The following PTBP2 variants were observed in gnomAD, a reference collection of about 807,000 sequenced individuals.
PTBP2 encodes polypyrimidine tract-binding protein 2.
Under a neutral mutation model 61.4 loss-of-function variants are expected in PTBP2, and 13 were observed. The ratio of observed to expected loss-of-function variants is 0.21; its 90% CI spans 0.14 to 0.34. The LOEUF (loss-of-function observed/expected upper bound fraction) is 0.34, where lower values mean the gene tolerates loss of function less well. Among genes scored for constraint, PTBP2 ranks in the 10% least tolerant of loss-of-function variants. The pLI is 1.00. For missense variants in PTBP2, 405 were observed against 642.6 expected (o/e 0.63, Z 4.00); for synonymous variants, 215 against 218.5 (o/e 0.98, Z 0.14).
intron 3 of PTBP2, 90 bp downstream of exon 3, chr1:96,751,590 C>T (rs1378231166): frequency 1.3e-5 from 12 of 956,714 alleles, no homozygotes; most frequent in Non-Finnish European, 1.9e-5. Flanking sequence ...ACCAGGAAAG[C>T]CTTTCTTTTT....
intron 7 of PTBP2, among the ~76,000 whole-genome samples, chr1:96,779,054 C>T (rs1194743014): frequency 6.6e-6 from 1 of 152,074 alleles, no homozygotes; most frequent in Non-Finnish European, 1.5e-5. Context: ...CAGTGAACAC[C>T]ACCTATAAGG....
At chr1:96,735,377 A>T (rs1652030842) in intron 2 of PTBP2, among the ~76,000 whole-genome samples, 1 of 152,214 alleles carries the variant, frequency 6.6e-6, no homozygotes, top group South Asian at 2.1e-4. Flanking sequence ...ACGATTTAGA[A>T]TGAAAAGATG....
chr1:96,778,835 CA>C (rs1397392092), intron 7 of PTBP2, among the ~76,000 whole-genome samples: 28 of 152,148 alleles, frequency 1.8e-4, no homozygotes, highest in South Asian at 1.5e-3. Flanking sequence ...ACAATTGTTT[CA>C]TTGCATTTCC....
intron 2 of PTBP2, among the ~76,000 whole-genome samples, chr1:96,733,770 T>G (rs1176485139): frequency 2.0e-5 from 3 of 152,154 alleles, no homozygotes; most frequent in African/African-American, 7.2e-5. Context: ...ATAGATCCAC[T>G]TATACAGAAT....
intron 11 of PTBP2, among the ~76,000 whole-genome samples, chr1:96,810,092 T>C (rs1002028388): frequency 4.6e-5 from 7 of 151,170 alleles, no homozygotes; most frequent in Non-Finnish European, 1.0e-4. Flanking sequence ...AACACCACTA[T>C]GTCTGTAAAT....
intron 8 of PTBP2, among the ~76,000 whole-genome samples, chr1:96,801,225 A>T (rs560878034): frequency 9.2e-5 from 14 of 152,246 alleles, no homozygotes; most frequent in Admixed American, 2.6e-4. Flanking sequence ...TGAGAGCTTA[A>T]AGTTTGGGAG....
At chr1:96,788,994 C>G (rs536215680) in intron 8 of PTBP2, among the ~76,000 whole-genome samples, 1 of 151,952 alleles carries the variant, frequency 6.6e-6, no homozygotes, top group Non-Finnish European at 1.5e-5. Context: ...TTTCAAAGAA[C>G]ACAGTGATCA....
intron 8 of PTBP2, among the ~76,000 whole-genome samples, chr1:96,799,560 C>T (rs1381399053): frequency 6.6e-6 from 1 of 152,016 alleles, no homozygotes; most frequent in African/African-American, 2.4e-5. Flanking sequence ...TTATCCCTCT[C>T]ATCAACATGT....
At chr1:96,742,720 G>C (rs890170327) in intron 2 of PTBP2, among the ~76,000 whole-genome samples, 1 of 146,200 alleles carries the variant, frequency 6.8e-6, no homozygotes. Context: ...TCATTTAAAG[G>C]TTTTAAGCTA....
At chr1:96,746,980 T>C (rs1653929850) in intron 2 of PTBP2, among the ~76,000 whole-genome samples, 1 of 148,942 alleles carries the variant, frequency 6.7e-6, no homozygotes, top group East Asian at 2.0e-4. Flanking sequence ...TGTGCAGGTT[T>C]GTTACATGGG....
chr1:96,792,720 C>CA (rs34264477), intron 8 of PTBP2, among the ~76,000 whole-genome samples: 1 of 151,560 alleles, frequency 6.6e-6, no homozygotes, highest in African/African-American at 2.4e-5. Flanking sequence ...GGGTACAAAA[C>CA]GGGTAGATAT....
chr1:96,763,767 T>A (rs1323136515), intron 3 of PTBP2, among the ~76,000 whole-genome samples: 1 of 152,218 alleles, frequency 6.6e-6, no homozygotes, highest in Non-Finnish European at 1.5e-5. Flanking sequence ...TCAGTTTATT[T>A]AACCTCCATG....
At chr1:96,778,818 A>AT (rs1329390465) in intron 7 of PTBP2, among the ~76,000 whole-genome samples, 5 of 152,006 alleles carry the variant, frequency 3.3e-5, no homozygotes, top group African/African-American at 4.8e-5. Context: ...AGCCCAGACC[A>AT]TTTTTTACAA....
chr1:96,788,255 T>A (rs976155507), intron 8 of PTBP2, among the ~76,000 whole-genome samples: 1 of 152,152 alleles, frequency 6.6e-6, no homozygotes, highest in African/African-American at 2.4e-5. Flanking sequence ...ATATTTTGGA[T>A]GAGCCAAGCC....
chr1:96,727,824 A>G (rs896737209), intron 2 of PTBP2, among the ~76,000 whole-genome samples: 7 of 152,090 alleles, frequency 4.6e-5, no homozygotes, highest in Admixed American at 2.0e-4. Flanking sequence ...TCTGCCACTC[A>G]TCTTCTTATT....
At chr1:96,795,244 C>T (rs1276844777) in intron 8 of PTBP2, among the ~76,000 whole-genome samples, 1 of 151,996 alleles carries the variant, frequency 6.6e-6, no homozygotes, top group Non-Finnish European at 1.5e-5. Flanking sequence ...AGGTGGGAGA[C>T]TATTAGTCTA....
chr1:96,807,727 T>A (rs1291513706), intron 11 of PTBP2, among the ~76,000 whole-genome samples: 1 of 152,226 alleles, frequency 6.6e-6, no homozygotes, highest in Non-Finnish European at 1.5e-5. Context: ...TAGACCAATT[T>A]TGGCCTTTGA....
intron 2 of PTBP2, 117 bp downstream of exon 2, chr1:96,723,711 T>G: frequency 1.1e-6 from 1 of 873,116 alleles, no homozygotes; most frequent in Non-Finnish European, 1.8e-6. Flanking sequence ...AAGTGTAAAA[T>G]GTTTCCTTTC....
intron 8 of PTBP2, among the ~76,000 whole-genome samples, chr1:96,801,518 G>GT (rs371428807): frequency 4.6e-5 from 7 of 152,028 alleles, no homozygotes; most frequent in African/African-American, 1.2e-4. Context: ...GCATACAGTG[G>GT]TAACTGAAGG....
Sources: allele counts gnomAD v4.1 joint callset (sites outside exome capture counted in the v4.1 genomes callset), GRCh38; gene constraint gnomAD v4.1.1; transcripts MANE v1.5; gene names NCBI Gene and HGNC (gene_info 2026-07-23, HGNC 2026-07-21).